Variants in TRDN observed in about 807,000 individuals in gnomAD.
The protein encoded by TRDN is triadin.
In TRDN, 161 loss-of-function variants were observed where a neutral mutation model predicts 149.7. The observed-to-expected ratio is 1.08, with a 90% CI of 0.95 to 1.23. The LOEUF is 1.23. Ranked by LOEUF, TRDN falls within the 50% of genes most tolerant of loss-of-function variation. The pLI is 0.00. For synonymous variants in TRDN, 294 were observed against 250.5 expected, an observed-to-expected ratio of 1.17 and a Z score of -1.64; for missense variants, 896 against 823.5, an observed-to-expected ratio of 1.09 and a Z score of -1.08.
At chr6:123,267,400 T>C (rs1220460417) in intron 32 of TRDN, among the ~76,000 whole-genome samples, 1 of 152,108 alleles carries the variant, frequency 6.6e-6, no homozygotes, top group Non-Finnish European at 1.5e-5. Flanking sequence ...ATCAACTTAA[T>C]CTGTATGATA....
intron 1 of TRDN, among the ~76,000 whole-genome samples, chr6:123,593,134 T>G (rs1196569744): frequency 1.3e-5 from 2 of 152,206 alleles, no homozygotes; most frequent in East Asian, 3.8e-4. Context: ...TAAGGCAGTT[T>G]TCATAAGAAA....
intron 24 of TRDN, among the ~76,000 whole-genome samples, chr6:123,310,146 G>A (rs994060479): frequency 1.3e-5 from 2 of 151,978 alleles, no homozygotes; most frequent in Admixed American, 1.3e-4. Context: ...TTCAGTAAAA[G>A]GTGATTTTTT....
At chr6:123,395,661 T>C (rs1158827121) in intron 12 of TRDN, among the ~76,000 whole-genome samples, 1 of 152,124 alleles carries the variant, frequency 6.6e-6, no homozygotes, top group Non-Finnish European at 1.5e-5. Context: ...ACTGATGCAT[T>C]GAAGATACTG....
At chr6:123,255,586 G>T (rs1460219817) in intron 36 of TRDN, among the ~76,000 whole-genome samples, 1 of 152,028 alleles carries the variant, frequency 6.6e-6, no homozygotes, top group African/African-American at 2.4e-5. Context: ...AAGAAAAACG[G>T]CAGCATTTTG....
At chr6:123,253,056 G>C (rs1362756236) in intron 37 of TRDN, among the ~76,000 whole-genome samples, 1 of 151,796 alleles carries the variant, frequency 6.6e-6, no homozygotes, top group Non-Finnish European at 1.5e-5. Flanking sequence ...TTCAAAGATA[G>C]ATAAAATAAA....
intron 24 of TRDN, 111 bp from the exon 25 acceptor site, chr6:123,279,193 C>T (rs1777491429): frequency 1.2e-6 from 1 of 816,672 alleles, no homozygotes; most frequent in Non-Finnish European, 1.8e-6. Context: ...CAATGTAGAC[C>T]CCACCTATCC....
At chr6:123,320,151 A>G (rs150373060) in intron 23 of TRDN, among the ~76,000 whole-genome samples, 1,677 of 152,036 alleles carry the variant, frequency 0.011, 12 homozygotes, top group Non-Finnish European at 0.016. Flanking sequence ...TTATTTTGTT[A>G]TTATCACGGT....
At chr6:123,306,646 GTCAC>G (rs1208270264) in intron 24 of TRDN, among the ~76,000 whole-genome samples, 2 of 152,022 alleles carry the variant, frequency 1.3e-5, no homozygotes, top group African/African-American at 4.8e-5. Flanking sequence ...GTCCACCTCT[GTCAC>G]TCACCAATGG....
intron 8 of TRDN, chr6:123,503,504 A>G: frequency 7.2e-7 from 1 of 1,387,066 alleles, no homozygotes; most frequent in African/African-American, 1.5e-5. Context: ...ATACTTCAAA[A>G]TGCCCCTTTA....
At chr6:123,335,079 T>A (rs777315681) in intron 22 of TRDN, among the ~76,000 whole-genome samples, 8 of 151,890 alleles carry the variant, frequency 5.3e-5, no homozygotes, top group Non-Finnish European at 1.0e-4. Flanking sequence ...CCAAAAACAA[T>A]AACACTGCAG....
At chr6:123,604,325 C>T (rs1463947434) in intron 1 of TRDN, among the ~76,000 whole-genome samples, 1 of 152,204 alleles carries the variant, frequency 6.6e-6, no homozygotes, top group Non-Finnish European at 1.5e-5. Flanking sequence ...AAGAAGCCTA[C>T]ATTCATGACA....
chr6:123,587,107 G>C (rs1282473146), intron 1 of TRDN, among the ~76,000 whole-genome samples: 1 of 152,028 alleles, frequency 6.6e-6, no homozygotes, highest in Non-Finnish European at 1.5e-5. Flanking sequence ...AAGAGGTAGA[G>C]ACACAGAGAG....
At chr6:123,446,584 CAAAAAAAAAA>C (rs572029827) in intron 10 of TRDN, among the ~76,000 whole-genome samples, 60 of 61,086 alleles carry the variant, frequency 9.8e-4, no homozygotes, top group Admixed American at 1.9e-3. Context: ...GATTCCATCT[CAAAAAAAAAA>C]AAAAAAAAAA....
chr6:123,585,087 G>A (rs1465717244), intron 1 of TRDN, among the ~76,000 whole-genome samples: 1 of 151,420 alleles, frequency 6.6e-6, no homozygotes, highest in Non-Finnish European at 1.5e-5. Context: ...GATGGTAAGG[G>A]GTGCATGATC....
At chr6:123,284,002 A>ATATATG (rs1777706944) in intron 24 of TRDN, among the ~76,000 whole-genome samples, 1 of 121,394 alleles carries the variant, frequency 8.2e-6, no homozygotes, top group African/African-American at 3.4e-5. Context: ...ATATATATAT[A>ATATATG]TGTAACAAAC....
intron 21 of TRDN, chr6:123,349,766 A>G (rs1039281164): frequency 4.1e-6 from 4 of 984,488 alleles, no homozygotes; most frequent in Non-Finnish European, 2.4e-6. Context: ...TATGGAATAA[A>G]TCTACAATCA....
At chr6:123,314,224 T>A (rs1778938473) in intron 24 of TRDN, among the ~76,000 whole-genome samples, 1 of 151,940 alleles carries the variant, frequency 6.6e-6, no homozygotes, top group African/African-American at 2.4e-5. Context: ...AAGACATACA[T>A]GCAGCCAATA....
At chr6:123,232,710 G>A (rs1404981120) in intron 38 of TRDN, among the ~76,000 whole-genome samples, 5 of 152,004 alleles carry the variant, frequency 3.3e-5, no homozygotes, top group Non-Finnish European at 7.4e-5. Flanking sequence ...GCTGATGATA[G>A]GGAATATACA....
chr6:123,462,741 C>G (rs1330220535), intron 10 of TRDN: 1 of 151,652 alleles, frequency 6.6e-6, no homozygotes, highest in African/African-American at 2.4e-5. Context: ...AAGGAAGTTC[C>G]AGACTAAAAT....
Sources: gnomAD v4.1 joint callset for allele counts (sites outside exome capture counted in the v4.1 genomes callset) on GRCh38, gnomAD v4.1.1 for gene constraint, MANE v1.5 for transcripts, NCBI Gene and HGNC (gene_info 2026-07-23, HGNC 2026-07-21) for gene names.